Variants in BNC2 observed in about 807,000 individuals in gnomAD.
BNC2 encodes the protein zinc finger protein basonuclin-2.
Under a neutral mutation model 76.3 loss-of-function variants are expected in BNC2, and 20 were observed. That is an observed-to-expected ratio of 0.26 (90% CI 0.18 to 0.38). The LOEUF is 0.38. Among genes scored for constraint, BNC2 ranks in the 10% least tolerant of loss-of-function variants. BNC2 has a pLI of 1.00. For synonymous variants in BNC2, 582 were observed against 514.8 expected, an observed-to-expected ratio of 1.13 and a Z score of -1.77; for missense variants, 1,382 against 1,399.8, an observed-to-expected ratio of 0.99 and a Z score of 0.20.
At chr9:16,426,058 T>C (rs1205738579) in intron 6 of BNC2, among the ~76,000 whole-genome samples, 1 of 152,248 alleles carries the variant, frequency 6.6e-6, no homozygotes, top group East Asian at 1.9e-4. Flanking sequence ...TTTCACAGCA[T>C]TTGGAAGTGT....
chr9:16,846,097 G>A (rs553527240), intron 1 of BNC2, among the ~76,000 whole-genome samples: 6 of 148,252 alleles, frequency 4.0e-5, no homozygotes, highest in South Asian at 2.1e-4. Flanking sequence ...CCCAGATCGC[G>A]CCACTGCACT....
At chr9:16,504,232 A>G (rs1271033272) in intron 5 of BNC2, among the ~76,000 whole-genome samples, 1 of 149,382 alleles carries the variant, frequency 6.7e-6, no homozygotes, top group Admixed American at 6.6e-5. Context: ...GTAGTTAGTC[A>G]TACCATTTAC....
intron 3 of BNC2, chr9:16,685,472 T>C (rs943268743): frequency 1.1e-6 from 1 of 928,658 alleles, no homozygotes; most frequent in Non-Finnish European, 1.5e-6. Context: ...GACGCTGATA[T>C]ACCCAAATGG....
chr9:16,420,489 T>A (rs966043473), intron 6 of BNC2, among the ~76,000 whole-genome samples: 1 of 151,770 alleles, frequency 6.6e-6, no homozygotes, highest in African/African-American at 2.4e-5. Context: ...CCCACCTTTT[T>A]AAAAAAAATC....
At chr9:16,754,850 G>A (rs1692727517) in intron 1 of BNC2, among the ~76,000 whole-genome samples, 1 of 152,140 alleles carries the variant, frequency 6.6e-6, no homozygotes, top group Non-Finnish European at 1.5e-5. Context: ...GAGCCACCGC[G>A]CCCGGCCCCA....
intron 5 of BNC2, among the ~76,000 whole-genome samples, chr9:16,440,460 A>G (rs545235544): frequency 6.6e-6 from 1 of 152,266 alleles, no homozygotes; most frequent in East Asian, 1.9e-4. Context: ...CTACGGATTA[A>G]TTTCTCAGGC....
At chr9:16,765,295 G>A (rs1168557275) in intron 1 of BNC2, among the ~76,000 whole-genome samples, 1 of 152,166 alleles carries the variant, frequency 6.6e-6, no homozygotes, top group African/African-American at 2.4e-5. Flanking sequence ...ATTTTATTCT[G>A]GCTAAGACTC....
chr9:16,870,393 A>T (rs968842315), intron 1 of BNC2, among the ~76,000 whole-genome samples: 5 of 151,626 alleles, frequency 3.3e-5, no homozygotes, highest in African/African-American at 1.2e-4. Flanking sequence ...GCCCCCTCTC[A>T]CGTGCACCCT....
chr9:16,568,672 G>A (rs925479095), intron 4 of BNC2, among the ~76,000 whole-genome samples: 21 of 152,092 alleles, frequency 1.4e-4, no homozygotes, highest in African/African-American at 5.1e-4. Flanking sequence ...CAAAGACTTA[G>A]TCTACTCTTA....
intron 5 of BNC2, among the ~76,000 whole-genome samples, chr9:16,461,402 T>C (rs1351729933): frequency 6.6e-6 from 1 of 152,168 alleles, no homozygotes; most frequent in Non-Finnish European, 1.5e-5. Flanking sequence ...GAGAAGCCAC[T>C]TGAATGAGGA....
chr9:16,427,857 C>G (rs1233079474), intron 6 of BNC2, among the ~76,000 whole-genome samples: 1 of 152,174 alleles, frequency 6.6e-6, no homozygotes, highest in Non-Finnish European at 1.5e-5. Flanking sequence ...CAACCGAGCA[C>G]CACTGTCAGC....
intron 5 of BNC2, among the ~76,000 whole-genome samples, chr9:16,449,660 A>C (rs2131037510): frequency 6.6e-6 from 1 of 152,334 alleles, no homozygotes; most frequent in Non-Finnish European, 1.5e-5. Context: ...TTCTGAAATA[A>C]AAATAAAAAG....
At chr9:16,866,577 T>G (rs1819548625) in intron 1 of BNC2, among the ~76,000 whole-genome samples, 1 of 151,182 alleles carries the variant, frequency 6.6e-6, no homozygotes, top group Non-Finnish European at 1.5e-5. Context: ...TGCCTGATCT[T>G]CAAATCACCT....
intron 3 of BNC2, among the ~76,000 whole-genome samples, chr9:16,705,721 A>G (rs1285618339): frequency 6.6e-6 from 1 of 151,880 alleles, no homozygotes; most frequent in Non-Finnish European, 1.5e-5. Flanking sequence ...TTGCATTGAT[A>G]ATTATGTTAT....
chr9:16,496,970 T>A (rs548497805), intron 5 of BNC2, among the ~76,000 whole-genome samples: 9 of 152,356 alleles, frequency 5.9e-5, no homozygotes, highest in East Asian at 3.9e-4. Flanking sequence ...ACTACCATCA[T>A]CAACATGGCA....
chr9:16,607,361 G>A (rs1820415675), intron 3 of BNC2, among the ~76,000 whole-genome samples: 1 of 152,106 alleles, frequency 6.6e-6, no homozygotes, highest in African/African-American at 2.4e-5. Context: ...AAAAAAAGGG[G>A]TGGTCTTATG....
At chr9:16,630,451 T>A (rs912815766) in intron 3 of BNC2, among the ~76,000 whole-genome samples, 1 of 152,230 alleles carries the variant, frequency 6.6e-6, no homozygotes, top group Non-Finnish European at 1.5e-5. Flanking sequence ...CAAAGCAGTG[T>A]ACGCAATATG....
At chr9:16,592,686 G>C (rs1362993322) in intron 3 of BNC2, among the ~76,000 whole-genome samples, 1 of 152,110 alleles carries the variant, frequency 6.6e-6, no homozygotes, top group South Asian at 2.1e-4. Context: ...CAATCAAGCT[G>C]TTTAAAACAG....
intron 3 of BNC2, among the ~76,000 whole-genome samples, chr9:16,698,000 A>G (rs916670519): frequency 2.0e-5 from 3 of 152,190 alleles, no homozygotes; most frequent in African/African-American, 7.2e-5. Context: ...CTTAGTTTCA[A>G]GTCCAGGGTA....
Sources: gnomAD v4.1 joint callset for allele counts (sites outside exome capture counted in the v4.1 genomes callset) on GRCh38, gnomAD v4.1.1 for gene constraint, MANE v1.5 for transcripts, NCBI Gene and HGNC (gene_info 2026-07-23, HGNC 2026-07-21) for gene names.